The following RNLS variants were observed in gnomAD, a reference collection of about 807,000 sequenced individuals.
RNLS encodes renalase.
In RNLS, 39 loss-of-function variants were observed where a neutral mutation model predicts 39.8. The observed-to-expected ratio is 0.98, with a 90% CI of 0.76 to 1.28. The LOEUF (loss-of-function observed/expected upper bound fraction) is 1.28. Ranked by LOEUF, RNLS falls within the 50% of genes most tolerant of loss-of-function variation. The pLI is 0.00. For missense variants in RNLS, 410 were observed against 413.3 expected (o/e 0.99, Z 0.07); for synonymous variants, 147 against 150.7 (o/e 0.98, Z 0.18).
the RNLS span, among the ~76,000 whole-genome samples, chr10:88,203,292 GTATGTA>G: frequency 2.0e-3 from 26 of 12,966 alleles, 5 homozygotes; most frequent in African/African-American, 0.014. Context: ...ATATATATAC[GTATGTA>G]TATATATATA....
the RNLS span, among the ~76,000 whole-genome samples, chr10:88,215,240 A>G: frequency 4.6e-5 from 7 of 152,066 alleles, no homozygotes; most frequent in African/African-American, 1.4e-4. Flanking sequence ...AGTGCTTACT[A>G]TATGCTAGTG....
chr10:88,305,628 ACTAT>A (rs1317609363), intron 6 of RNLS, among the ~76,000 whole-genome samples: 1 of 152,228 alleles, frequency 6.6e-6, no homozygotes, highest in Non-Finnish European at 1.5e-5. Flanking sequence ...AGAAGATCTA[ACTAT>A]CCTAAATATA....
At chr10:88,187,147 T>TATATATATATAATATATATA in the RNLS span, among the ~76,000 whole-genome samples, 15 of 116,188 alleles carry the variant, frequency 1.3e-4, no homozygotes, top group South Asian at 2.5e-4. Flanking sequence ...GCTCAAAAAA[T>TATATATATATAATATATATA]ATATATATAT....
the RNLS span, among the ~76,000 whole-genome samples, chr10:88,184,597 G>C: frequency 2.0e-5 from 3 of 152,118 alleles, no homozygotes; most frequent in East Asian, 1.9e-4. Flanking sequence ...ACAACTATTA[G>C]GTCTGGGACC....
chr10:88,392,887 C>A (rs1363789983), intron 4 of RNLS, among the ~76,000 whole-genome samples: 1 of 152,002 alleles, frequency 6.6e-6, no homozygotes, highest in Non-Finnish European at 1.5e-5. Context: ...TCAACATATG[C>A]AAATCAATAA....
chr10:88,557,630 C>T (rs1848945440), intron 4 of RNLS, among the ~76,000 whole-genome samples: 1 of 152,084 alleles, frequency 6.6e-6, no homozygotes, highest in Non-Finnish European at 1.5e-5. Flanking sequence ...TTATCCTTCC[C>T]TTCCTCTCTT....
the RNLS span, among the ~76,000 whole-genome samples, chr10:88,172,864 T>G: frequency 1.1e-5 from 1 of 88,242 alleles, no homozygotes; most frequent in Non-Finnish European, 2.5e-5. Flanking sequence ...TTTTTTTTTT[T>G]TTTTTTTTTT....
the RNLS span, among the ~76,000 whole-genome samples, chr10:88,191,807 G>C: frequency 1.3e-5 from 2 of 152,190 alleles, no homozygotes; most frequent in African/African-American, 4.8e-5. Flanking sequence ...GCCTTTGGGT[G>C]AAACACTATC....
At chr10:88,557,340 A>G (rs1378070211) in intron 4 of RNLS, among the ~76,000 whole-genome samples, 1 of 152,160 alleles carries the variant, frequency 6.6e-6, no homozygotes, top group African/African-American at 2.4e-5. Context: ...TAAATACTAC[A>G]AAAGTGTTCT....
chr10:88,551,916 T>A (rs1848622557), intron 4 of RNLS, among the ~76,000 whole-genome samples: 1 of 152,304 alleles, frequency 6.6e-6, no homozygotes, highest in South Asian at 2.1e-4. Context: ...TAAATTCCCA[T>A]CTGACGATGT....
chr10:88,486,755 T>C (rs944586716), intron 4 of RNLS, among the ~76,000 whole-genome samples: 1 of 152,166 alleles, frequency 6.6e-6, no homozygotes, highest in African/African-American at 2.4e-5. Flanking sequence ...ACTTATACAT[T>C]GTTGGTGGGA....
chr10:88,228,331 GTT>G, the RNLS span, among the ~76,000 whole-genome samples: 1 of 152,160 alleles, frequency 6.6e-6, no homozygotes, highest in Non-Finnish European at 1.5e-5. Context: ...GCAATCACGG[GTT>G]TTTCATCTTT....
At chr10:88,487,427 T>G (rs1479126355) in intron 4 of RNLS, among the ~76,000 whole-genome samples, 1 of 151,972 alleles carries the variant, frequency 6.6e-6, no homozygotes. Flanking sequence ...AAGATTTGAA[T>G]AGACAGTTTA....
intron 5 of RNLS, among the ~76,000 whole-genome samples, chr10:88,335,251 T>A (rs1417346093): frequency 6.6e-6 from 1 of 151,776 alleles, no homozygotes; most frequent in Non-Finnish European, 1.5e-5. Context: ...AATGTCTTGC[T>A]CTATTACCCA....
intron 4 of RNLS, among the ~76,000 whole-genome samples, chr10:88,466,665 G>A (rs1843225256): frequency 6.6e-6 from 1 of 152,078 alleles, no homozygotes; most frequent in Admixed American, 6.6e-5. Flanking sequence ...AAATAGCACA[G>A]AACATTTTTC....
chr10:88,539,593 T>G (rs1847941084), intron 4 of RNLS, among the ~76,000 whole-genome samples: 1 of 152,122 alleles, frequency 6.6e-6, no homozygotes, highest in African/African-American at 2.4e-5. Flanking sequence ...TTCCACCACA[T>G]ATTTATCCAT....
intron 6 of RNLS, among the ~76,000 whole-genome samples, chr10:88,278,654 G>A (rs1430402774): frequency 6.6e-6 from 1 of 152,122 alleles, no homozygotes; most frequent in Non-Finnish European, 1.5e-5. Context: ...CCCATTTTAA[G>A]TACCATATTT....
chr10:88,370,378 C>T (rs1040414776), intron 4 of RNLS, among the ~76,000 whole-genome samples: 1 of 152,102 alleles, frequency 6.6e-6, no homozygotes, highest in African/African-American at 2.4e-5. Flanking sequence ...TTAAATGCTG[C>T]TCACATTGAT....
chr10:88,575,710 GATAA>G lies in RNLS; in HGVS notation c.368-2653_368-2650del, dbSNP rs149044736. The stretch of plus-strand genomic sequence containing the variant: ...CTCTGAAAAACCCAATTTTAAAATG[GATAA>G]ATAAATAGTCTCAAGAGTTATGTCT... On this transcript the variant is annotated intron_variant, in intron 3 of 6. Transcript: ENST00000331772. Among the ~76,000 whole-genome samples, 1,295 of 152,084 alleles carry G rather than the reference GATAA, an allele frequency of 8.5e-3. 13 individuals are homozygous for G. Among genetic ancestry groups the G allele is most frequent in the East Asian group, 0.017 (90 of 5,184 alleles).
Sources: gnomAD v4.1 joint callset for allele counts (sites outside exome capture counted in the v4.1 genomes callset) on GRCh38, gnomAD v4.1.1 for gene constraint, MANE v1.5 for transcripts, NCBI Gene and HGNC (gene_info 2026-07-23, HGNC 2026-07-21) for gene names.